The following PTPRD variants were observed in gnomAD, a reference collection of about 807,000 sequenced individuals.
PTPRD encodes protein tyrosine phosphatase receptor type D.
A neutral mutation model predicts 214.5 loss-of-function variants in PTPRD; 34 were observed. The ratio of observed to expected loss-of-function variants is 0.16; its 90% CI spans 0.12 to 0.21. PTPRD has a LOEUF of 0.21. PTPRD is among the 10% of genes least tolerant of loss of function. The pLI, the probability that PTPRD is intolerant of heterozygous loss-of-function variation, is 1.00. For synonymous variants in PTPRD, 1,128 were observed against 845.7 expected (o/e 1.33, Z -5.79); for missense variants, 2,545 against 2,398.7 (o/e 1.06, Z -1.27).
At chr9:8,952,160 G>C (rs941353618) in intron 11 of PTPRD, among the ~76,000 whole-genome samples, 3 of 151,950 alleles carry the variant, frequency 2.0e-5, no homozygotes, top group African/African-American at 7.2e-5. Flanking sequence ...CATGAGGGCA[G>C]GGACTTTGTT....
At chr9:8,936,511 G>T (rs2098999068) in intron 11 of PTPRD, among the ~76,000 whole-genome samples, 1 of 143,564 alleles carries the variant, frequency 7.0e-6, no homozygotes, top group African/African-American at 2.5e-5. Context: ...TGAAAGACAA[G>T]CGATTTAGTG....
At chr9:9,024,347 T>TG (rs2099579978) in intron 10 of PTPRD, among the ~76,000 whole-genome samples, 1 of 50,194 alleles carries the variant, frequency 2.0e-5, no homozygotes, top group African/African-American at 5.4e-5. Context: ...TGTTTTTTTT[T>TG]GTTTGTTTTT....
rs189059065 is a variant in PTPRD, at chr9:8,368,923, A to G, written c.4661+7013T>C. ...TTACCTTAAAATGTTTCCATAAATA[A>G]GGACATAATTTGTACACTCCACCCA... On this transcript the variant is annotated intron_variant, in intron 39 of 45. Transcript: ENST00000381196. Among the ~76,000 whole-genome samples the G allele has an allele frequency of 1.2e-3, 183 of 152,262 alleles. 1 individual carries two copies. Among genetic ancestry groups the G allele is most frequent in the African/African-American group, 4.2e-3 (174 of 41,566 alleles).
intron 10 of PTPRD, among the ~76,000 whole-genome samples, chr9:9,145,423 G>A (rs992569109): frequency 6.6e-6 from 1 of 150,982 alleles, no homozygotes; most frequent in Non-Finnish European, 1.5e-5. Flanking sequence ...TTTAGATATT[G>A]AGTGTCCTTT....
At chr9:10,249,124 G>C (rs1341315322) in intron 3 of PTPRD, among the ~76,000 whole-genome samples, 1 of 151,948 alleles carries the variant, frequency 6.6e-6, no homozygotes, top group Non-Finnish European at 1.5e-5. Flanking sequence ...TCAACACCAG[G>C]TAAGTGACTA....
intron 3 of PTPRD, among the ~76,000 whole-genome samples, chr9:10,324,626 G>C (rs183329379): frequency 1.3e-5 from 2 of 152,100 alleles, no homozygotes; most frequent in Admixed American, 1.3e-4. Context: ...TGCGTTCCAA[G>C]ATCCCTATAT....
intron 10 of PTPRD, among the ~76,000 whole-genome samples, chr9:9,073,643 T>G (rs1435536996): frequency 6.6e-6 from 1 of 152,198 alleles, no homozygotes; most frequent in Admixed American, 6.5e-5. Context: ...AGCCTTCAGA[T>G]GCAAGACTCT....
intron 3 of PTPRD, among the ~76,000 whole-genome samples, chr9:10,111,446 G>T (rs2098691345): frequency 6.6e-6 from 1 of 151,332 alleles, no homozygotes; most frequent in Non-Finnish European, 1.5e-5. Flanking sequence ...CACCGTTTTA[G>T]CCGGGATGGT....
chr9:9,654,189 A>G (rs1386344113), intron 7 of PTPRD, among the ~76,000 whole-genome samples: 1 of 152,168 alleles, frequency 6.6e-6, no homozygotes, highest in African/African-American at 2.4e-5. Context: ...AGGTAATAGC[A>G]CTGAAAGACT....
Position 9,719,973 on chromosome 9 carries a change from T to A in PTPRD, c.-287+14560A>T, listed in dbSNP as rs1400465707. 2.6e-5 allele frequency among the ~76,000 whole-genome samples: 4 copies of A among 152,240 alleles called. No homozygotes were observed. In the East Asian group the frequency reaches 5.8e-4, roughly 22 times the overall value. ...TGCACTGGCAGGACCCCACGCTTGA[T>A]TGTTTACACACCCTTGCCACTCCAC... On this transcript the variant is annotated intron_variant, in intron 7 of 45. Coordinates refer to ENST00000381196, the MANE Select transcript of PTPRD (RefSeq NM_002839.4).
At chr9:9,132,483 A>G (rs2099844351) in intron 10 of PTPRD, among the ~76,000 whole-genome samples, 1 of 152,158 alleles carries the variant, frequency 6.6e-6, no homozygotes. Flanking sequence ...ATTATTAAAT[A>G]TTAAACTAGA....
At chr9:9,991,229 C>T (rs780555513) in intron 4 of PTPRD, among the ~76,000 whole-genome samples, 7 of 151,522 alleles carry the variant, frequency 4.6e-5, no homozygotes, top group East Asian at 2.0e-4. Flanking sequence ...CCACCATGCC[C>T]GGCTGAGTAA....
intron 34 of PTPRD, among the ~76,000 whole-genome samples, chr9:8,437,896 T>C (rs2095414230): frequency 6.6e-6 from 1 of 152,240 alleles, no homozygotes; most frequent in Admixed American, 6.5e-5. Flanking sequence ...TGATGTTTTC[T>C]CACTTTTCAT....
At chr9:10,425,362 A>T (rs142174531) in intron 2 of PTPRD, among the ~76,000 whole-genome samples, 1 of 151,998 alleles carries the variant, frequency 6.6e-6, no homozygotes, top group African/African-American at 2.4e-5. Flanking sequence ...ATTACCTATC[A>T]TAGTCACCAG....
chr9:9,640,378 A>G (rs567842124), intron 7 of PTPRD, among the ~76,000 whole-genome samples: 11 of 152,228 alleles, frequency 7.2e-5, no homozygotes, highest in Non-Finnish European at 1.6e-4. Flanking sequence ...ACCCTGTGTG[A>G]AAGCAATGAA....
intron 9 of PTPRD, among the ~76,000 whole-genome samples, chr9:9,330,315 G>T (rs949955014): frequency 6.6e-6 from 1 of 151,944 alleles, no homozygotes; most frequent in Non-Finnish European, 1.5e-5. Flanking sequence ...TAAATTTTAA[G>T]AACCTCTGAT....
intron 3 of PTPRD, among the ~76,000 whole-genome samples, chr9:10,338,397 G>A (rs574039976): frequency 2.9e-4 from 44 of 151,718 alleles, no homozygotes; most frequent in African/African-American, 9.6e-4. Context: ...CCTTCCACAC[G>A]CAGACAAATG....
chr9:9,027,241 G>C (rs1346233512), intron 10 of PTPRD, among the ~76,000 whole-genome samples: 6 of 151,680 alleles, frequency 4.0e-5, no homozygotes, highest in Non-Finnish European at 7.4e-5. Flanking sequence ...TCCCCCACAA[G>C]GCTCTCTGCC....
At chr9:9,969,749 C>T (rs1020586247) in intron 4 of PTPRD, among the ~76,000 whole-genome samples, 1 of 152,180 alleles carries the variant, frequency 6.6e-6, no homozygotes. Flanking sequence ...AGTGGCAATG[C>T]CCATCAAATC....
Sources: allele counts gnomAD v4.1 joint callset (sites outside exome capture counted in the v4.1 genomes callset), GRCh38; gene constraint gnomAD v4.1.1; transcripts MANE v1.5; gene names NCBI Gene and HGNC (gene_info 2026-07-23, HGNC 2026-07-21).